SYT1: variants seen among roughly 807,000 people sequenced by gnomAD.
SYT1 encodes the protein synaptotagmin 1.
In SYT1, 8 loss-of-function variants were observed where a neutral mutation model predicts 44.8. The observed-to-expected ratio is 0.18, with a 90% CI of 0.10 to 0.32. SYT1 has a LOEUF of 0.32. SYT1 is among the 10% of genes least tolerant of loss of function. The probability of loss-of-function intolerance (pLI) is 1.00; values close to 1 mark genes in which losing one functional copy is unlikely to be tolerated. For synonymous variants in SYT1, 154 were observed against 188.8 expected, an observed-to-expected ratio of 0.82 and a Z score of 1.51; for missense variants, 286 against 509.3, an observed-to-expected ratio of 0.56 and a Z score of 4.22.
At chr12:79,442,179 A>C (rs540800850) in intron 9 of SYT1, among the ~76,000 whole-genome samples, 2 of 152,326 alleles carry the variant, frequency 1.3e-5, no homozygotes, top group South Asian at 4.1e-4. Context: ...TAGTATATAC[A>C]TGTATTTCAT....
At chr12:79,122,104 A>G (rs1299196223) in intron 3 of SYT1, among the ~76,000 whole-genome samples, 1 of 152,194 alleles carries the variant, frequency 6.6e-6, no homozygotes, top group African/African-American at 2.4e-5. Flanking sequence ...TCAAATTATA[A>G]ATCTTTAGCA....
At chr12:78,900,971 C>G (rs1875629101) in intron 1 of SYT1, among the ~76,000 whole-genome samples, 1 of 152,100 alleles carries the variant, frequency 6.6e-6, no homozygotes, top group Non-Finnish European at 1.5e-5. Context: ...TATCCTTTTA[C>G]ATGAATGCAT....
In SYT1 at chr12:79,220,749, T is replaced by C. The variant is rs140733359; in HGVS notation, c.166+3064T>C. ...ATTTGTGCATTTTTTCTAAAGTCCCTTCTGTTTTTGATTTCTAGTTTTATA... is the reference window on the plus strand; with the variant it reads ...ATTTGTGCATTTTTTCTAAAGTCCCCTCTGTTTTTGATTTCTAGTTTTATA... On this transcript the variant is annotated intron_variant, in intron 4 of 10. Transcript: ENST00000261205. Among the ~76,000 whole-genome samples, 5 of 152,222 alleles carry C rather than the reference T, an allele frequency of 3.3e-5. No homozygotes were observed. In the East Asian group the frequency reaches 9.6e-4, roughly 29 times the overall value.
At chr12:79,023,795 TTC>T (rs1346860431) in intron 2 of SYT1, among the ~76,000 whole-genome samples, 1 of 151,384 alleles carries the variant, frequency 6.6e-6, no homozygotes. Flanking sequence ...CTCTCTCTCT[TTC>T]TCTCTCTCTC....
intron 3 of SYT1, among the ~76,000 whole-genome samples, chr12:79,179,432 A>C (rs1485480914): frequency 2.8e-3 from 2 of 726 alleles, no homozygotes; most frequent in South Asian, 0.025. Context: ...ATCTATATAG[A>C]TATATCCATA....
intron 9 of SYT1, among the ~76,000 whole-genome samples, chr12:79,371,682 C>T (rs529962097): frequency 1.3e-5 from 2 of 152,286 alleles, no homozygotes; most frequent in African/African-American, 4.8e-5. Flanking sequence ...GCTGTGGCTT[C>T]CTGGTGGGAA....
intron 5 of SYT1, among the ~76,000 whole-genome samples, chr12:79,287,697 G>C (rs78852981): frequency 0.028 from 4,216 of 152,202 alleles, 115 homozygotes; most frequent in East Asian, 0.13. Flanking sequence ...TATAATATTT[G>C]TGGGATTTGT....
At chr12:79,274,112 C>G (rs968622475) in intron 4 of SYT1, among the ~76,000 whole-genome samples, 3 of 152,150 alleles carry the variant, frequency 2.0e-5, no homozygotes, top group Non-Finnish European at 4.4e-5. Context: ...AAGAAAGAAA[C>G]TCCCAAATGA....
At chr12:78,883,093 T>C (rs745495071) in intron 1 of SYT1, among the ~76,000 whole-genome samples, 2 of 151,742 alleles carry the variant, frequency 1.3e-5, no homozygotes, top group African/African-American at 2.4e-5. Context: ...AATAACTATG[T>C]CAAAAAATCT....
At position 79,173,718 on chromosome 12, in the gene SYT1, G is replaced by A. The variant is rs116435929; in HGVS notation, c.-17-43785G>A. On this transcript the variant is annotated intron_variant, in intron 3 of 10. Coordinates refer to ENST00000261205, the MANE Select transcript of SYT1 (RefSeq NM_005639.3). ...GCTACCATAAGGAGCCTTGTAAAAC[G>A]TCCAGAAGAAATAACTAGAAGAATT... is the stretch of plus-strand genomic sequence containing the variant. 5.0e-3 allele frequency among the ~76,000 whole-genome samples: 764 copies of A among 152,136 alleles called. 7 individuals are homozygous for A. Among genetic ancestry groups the A allele is most frequent in the African/African-American group, 0.017 (712 of 41,564 alleles).
chr12:79,228,818 T>C (rs539589348), intron 4 of SYT1, among the ~76,000 whole-genome samples: 4 of 152,326 alleles, frequency 2.6e-5, no homozygotes, highest in Admixed American at 2.6e-4. Context: ...TCTCCCCTCA[T>C]GATTTTCTCT....
chr12:78,897,999 A>G (rs964570892), intron 1 of SYT1, among the ~76,000 whole-genome samples: 9 of 151,972 alleles, frequency 5.9e-5, no homozygotes, highest in African/African-American at 1.9e-4. Context: ...CAGATGAAAA[A>G]CCTCACTAAC....
chr12:78,879,895 T>G (rs1043930812), intron 1 of SYT1, among the ~76,000 whole-genome samples: 5 of 151,696 alleles, frequency 3.3e-5, no homozygotes, highest in Non-Finnish European at 1.5e-5. Context: ...TCTTAACACA[T>G]GCTGGTTATG....
intron 3 of SYT1, among the ~76,000 whole-genome samples, chr12:79,105,825 A>C (rs991498901): frequency 6.6e-6 from 1 of 151,746 alleles, no homozygotes; most frequent in Non-Finnish European, 1.5e-5. Flanking sequence ...GCTTGCAGTG[A>C]GCCTAGATTG....
At chr12:78,890,640 A>G (rs1027068305) in intron 1 of SYT1, among the ~76,000 whole-genome samples, 9 of 151,646 alleles carry the variant, frequency 5.9e-5, no homozygotes, top group Non-Finnish European at 8.8e-5. Flanking sequence ...TTTTCTTCCA[A>G]GCTTCACAGT....
intron 2 of SYT1, among the ~76,000 whole-genome samples, chr12:79,022,650 ATTGT>A (rs1425533900): frequency 6.6e-6 from 1 of 151,370 alleles, no homozygotes; most frequent in Non-Finnish European, 1.5e-5. Context: ...TTAGAGGTTT[ATTGT>A]TTATTTTAAA....
intron 4 of SYT1, among the ~76,000 whole-genome samples, chr12:79,273,583 T>A (rs886541306): frequency 3.9e-5 from 6 of 152,058 alleles, no homozygotes; most frequent in Non-Finnish European, 7.4e-5. Flanking sequence ...AGCCTGGCAA[T>A]TCAGGCCACA....
At chr12:79,432,566 G>A (rs1262330347) in intron 9 of SYT1, among the ~76,000 whole-genome samples, 1 of 152,066 alleles carries the variant, frequency 6.6e-6, no homozygotes, top group Non-Finnish European at 1.5e-5. Flanking sequence ...GTCACTTAAG[G>A]TTAGGAAGGG....
At chr12:78,885,720 G>A (rs1214886922) in intron 1 of SYT1, among the ~76,000 whole-genome samples, 1 of 151,980 alleles carries the variant, frequency 6.6e-6, no homozygotes, top group African/African-American at 2.4e-5. Context: ...GATGGTGTAA[G>A]GCCCTGGGGT....
Sources: gnomAD v4.1 joint callset for allele counts (sites outside exome capture counted in the v4.1 genomes callset) on GRCh38, gnomAD v4.1.1 for gene constraint, MANE v1.5 for transcripts, NCBI Gene and HGNC (gene_info 2026-07-23, HGNC 2026-07-21) for gene names.